BLTP1: variants seen among roughly 807,000 people sequenced by gnomAD.
BLTP1 encodes bridge-like lipid transfer protein family member 1.
chr4:122,238,158 A>G, the BLTP1 span: 1 of 1,614,026 alleles, frequency 6.2e-7, no homozygotes, highest in Non-Finnish European at 8.5e-7. Flanking sequence ...GTAGAGAGAA[A>G]AACTCAGCAC....
At chr4:122,187,401 A>G in the BLTP1 span, 64 of 1,608,614 alleles carry the variant, frequency 4.0e-5, no homozygotes, top group Non-Finnish European at 5.4e-5. Context: ...AGGTTTTCTT[A>G]TTCATGTCAG....
the BLTP1 span, chr4:122,350,090 A>G: frequency 1.2e-6 from 2 of 1,609,550 alleles, no homozygotes; most frequent in South Asian, 2.2e-5. Flanking sequence ...AATTAGAAGT[A>G]AGCTTTTATA....
At chr4:122,195,660 A>G in the BLTP1 span, 83 of 796,928 alleles carry the variant, frequency 1.0e-4, no homozygotes, top group African/African-American at 1.4e-3. Context: ...ATGTCCTCCT[A>G]TCTACCCACC....
At chr4:122,153,128 AT>A in the BLTP1 span, 1 of 429,300 alleles carries the variant, frequency 2.3e-6, no homozygotes, top group Non-Finnish European at 2.9e-6. Context: ...AGAGAAGTTG[AT>A]TTTTCTTCCG....
the BLTP1 span, chr4:122,212,126 T>A: frequency 1.1e-6 from 1 of 937,242 alleles, no homozygotes; most frequent in African/African-American, 1.8e-5. Context: ...CAAGGTTTGT[T>A]AGTAAAGGCT....
the BLTP1 span, chr4:122,288,716 C>T: frequency 1.9e-6 from 1 of 514,910 alleles, no homozygotes; most frequent in Non-Finnish European, 2.5e-6. Context: ...CTTAACTCGT[C>T]TATGATTCTA....
At chr4:122,297,155 T>C in the BLTP1 span, among the ~76,000 whole-genome samples, 2,552 of 152,176 alleles carry the variant, frequency 0.017, 35 homozygotes, top group Non-Finnish European at 0.026. Flanking sequence ...AAAATTTTTT[T>C]AAATCTACCC....
At chr4:122,183,368 A>G in the BLTP1 span, 1 of 922,930 alleles carries the variant, frequency 1.1e-6, no homozygotes, top group Middle Eastern at 5.6e-4. Context: ...ACAATTTAAG[A>G]TTTACATTCT....
the BLTP1 span, chr4:122,298,189 GAATA>G: frequency 1.4e-5 from 11 of 793,404 alleles, no homozygotes; most frequent in Admixed American, 6.2e-5. Flanking sequence ...TTATTTAATT[GAATA>G]AATAGATAAG....
At chr4:122,206,645 C>T in the BLTP1 span, among the ~76,000 whole-genome samples, 1 of 151,530 alleles carries the variant, frequency 6.6e-6, no homozygotes, top group South Asian at 2.1e-4. Flanking sequence ...TTAAGTAGGT[C>T]CTGACAAATC....
chr4:122,249,558 T>C, the BLTP1 span: 1 of 1,613,766 alleles, frequency 6.2e-7, no homozygotes, highest in South Asian at 1.1e-5. Context: ...AAGAGTTGGA[T>C]GAATTTACTT....
the BLTP1 span, chr4:122,330,848 T>A: frequency 4.3e-3 from 986 of 226,964 alleles, 11 homozygotes; most frequent in East Asian, 0.044. Context: ...AGGTGTTAAG[T>A]CTTTAATCCA....
the BLTP1 span, chr4:122,298,321 C>A: frequency 2.0e-6 from 1 of 503,658 alleles, no homozygotes; most frequent in Non-Finnish European, 2.6e-6. Context: ...CCTATAGAGC[C>A]AAGAGAAACT....
chr4:122,155,933 A>AG, the BLTP1 span: 1 of 821,722 alleles, frequency 1.2e-6, no homozygotes, highest in Non-Finnish European at 1.5e-6. Context: ...AGTGGGCTTG[A>AG]GGGAAAATGA....
chr4:122,235,086 G>GTC, the BLTP1 span: 1 of 1,362,370 alleles, frequency 7.3e-7, no homozygotes, highest in Non-Finnish European at 1.0e-6. Flanking sequence ...GCCATTTTGA[G>GTC]AGAAATTCAG....
At chr4:122,317,223 T>C in the BLTP1 span, among the ~76,000 whole-genome samples, 1 of 151,782 alleles carries the variant, frequency 6.6e-6, no homozygotes, top group Admixed American at 6.6e-5. Flanking sequence ...TCCCTGCTAC[T>C]CGGGAGGCTG....
chr4:122,344,329 T>C, the BLTP1 span: 3 of 1,569,830 alleles, frequency 1.9e-6, no homozygotes, highest in Non-Finnish European at 2.6e-6. Context: ...GACAGCTGTG[T>C]GTATATATGT....
At chr4:122,321,345 T>C in the BLTP1 span, among the ~76,000 whole-genome samples, 1 of 152,166 alleles carries the variant, frequency 6.6e-6, no homozygotes, top group Non-Finnish European at 1.5e-5. Context: ...CTCCTGTCTC[T>C]TGTATCATTA....
At chr4:122,186,330 A>T in the BLTP1 span, 1 of 628,272 alleles carries the variant, frequency 1.6e-6, no homozygotes. Flanking sequence ...TTTCTTTGCA[A>T]ATTAACTGAA....
Sources: allele counts gnomAD v4.1 joint callset (sites outside exome capture counted in the v4.1 genomes callset), GRCh38; gene constraint gnomAD v4.1.1; transcripts MANE v1.5; gene names NCBI Gene and HGNC (gene_info 2026-07-23, HGNC 2026-07-21).